The following GRIK4 variants were observed in gnomAD, a reference collection of about 807,000 sequenced individuals.
The protein encoded by GRIK4 is glutamate ionotropic receptor kainate type subunit 4, also known as glutamate receptor ionotropic, kainate 4.
GRIK4 carries 40 observed loss-of-function variants against 104.9 expected under a neutral mutation model. The observed-to-expected ratio is 0.38, with a 90% CI of 0.30 to 0.50. GRIK4 has a LOEUF of 0.50. GRIK4 is among the 20% of genes least tolerant of loss of function. The pLI is 0.93. For synonymous variants in GRIK4, 485 were observed against 524.9 expected, an observed-to-expected ratio of 0.92 and a Z score of 1.04; for missense variants, 1,047 against 1,308.1, an observed-to-expected ratio of 0.80 and a Z score of 3.08.
chr11:120,775,375 A>ACACAGCTGGGTT (rs1285976183), intron 3 of GRIK4, among the ~76,000 whole-genome samples: 3 of 152,230 alleles, frequency 2.0e-5, no homozygotes, highest in African/African-American at 7.2e-5. Context: ...GGGCAGCAAG[A>ACACAGCTGGGTT]GGACAGGGAA....
At chr11:120,593,782 C>T (rs1466537845) in intron 1 of GRIK4, among the ~76,000 whole-genome samples, 3 of 152,154 alleles carry the variant, frequency 2.0e-5, no homozygotes, top group Non-Finnish European at 1.5e-5. Flanking sequence ...CTTTATTCCT[C>T]TTCCCAAATC....
At chr11:120,914,665 C>A (rs1419886056) in intron 13 of GRIK4, among the ~76,000 whole-genome samples, 3 of 152,036 alleles carry the variant, frequency 2.0e-5, no homozygotes, top group African/African-American at 4.8e-5. Context: ...GAGAACAGGG[C>A]TGTAGGCAGG....
At chr11:120,565,347 GT>G (rs1948307867) in intron 1 of GRIK4, among the ~76,000 whole-genome samples, 1 of 152,272 alleles carries the variant, frequency 6.6e-6, no homozygotes, top group Non-Finnish European at 1.5e-5. Context: ...CCACTTTCCA[GT>G]GAGCTGCTGC....
intron 1 of GRIK4, among the ~76,000 whole-genome samples, chr11:120,529,884 A>G (rs1844927943): frequency 6.6e-6 from 1 of 152,052 alleles, no homozygotes; most frequent in Non-Finnish European, 1.5e-5. Context: ...TTTATAGATG[A>G]GGAGACAGAA....
chr11:120,807,782 T>C (rs1952745837), intron 4 of GRIK4, among the ~76,000 whole-genome samples: 3 of 152,234 alleles, frequency 2.0e-5, no homozygotes, highest in Admixed American at 6.5e-5. Context: ...CAGCCATGCA[T>C]TGAATTGCTG....
chr11:120,818,455 A>G (rs1047226247), intron 5 of GRIK4, among the ~76,000 whole-genome samples: 1 of 152,254 alleles, frequency 6.6e-6, no homozygotes, highest in African/African-American at 2.4e-5. Context: ...ATTGCCTTTC[A>G]TAACTCACCA....
intron 3 of GRIK4, among the ~76,000 whole-genome samples, chr11:120,698,434 C>T (rs1363334393): frequency 1.3e-5 from 2 of 152,200 alleles, no homozygotes; most frequent in African/African-American, 4.8e-5. Flanking sequence ...CCTCTCTGAG[C>T]CCTGGGCTCC....
Position 120,927,704 on chromosome 11 carries a change from C to T in GRIK4, c.1477-12643C>T, listed in dbSNP as rs541661097. On this transcript the variant is annotated intron_variant, in intron 13 of 20. Transcript: ENST00000527524. ...CAACAAAGCTTCATGGTATTAACCA[C>T]ACCTGTGACTTTGTCACCAATGGTA... Among the ~76,000 whole-genome samples the T allele has an allele frequency of 3.9e-5, 6 of 152,220 alleles. 1 individual carries two copies. In the South Asian group the frequency reaches 8.3e-4, roughly 21 times the overall value.
intron 14 of GRIK4, among the ~76,000 whole-genome samples, chr11:120,942,377 G>C (rs553018944): frequency 6.6e-6 from 1 of 152,134 alleles, no homozygotes; most frequent in Non-Finnish European, 1.5e-5. Flanking sequence ...CCCTGGAGTC[G>C]GGGGACATCC....
chr11:120,697,069 C>T (rs927031993), intron 3 of GRIK4, among the ~76,000 whole-genome samples: 2 of 152,196 alleles, frequency 1.3e-5, no homozygotes, highest in African/African-American at 2.4e-5. Flanking sequence ...TCCTTCAACC[C>T]GTTCGCTTCC....
intron 1 of GRIK4, among the ~76,000 whole-genome samples, chr11:120,541,345 G>A (rs1476783754): frequency 1.3e-5 from 2 of 152,228 alleles, no homozygotes; most frequent in Non-Finnish European, 2.9e-5. Flanking sequence ...TGTCAGTTTC[G>A]CCCAGAAGAT....
intron 1 of GRIK4, among the ~76,000 whole-genome samples, chr11:120,558,727 GATT>G (rs1948210981): frequency 6.6e-6 from 1 of 152,250 alleles, no homozygotes; most frequent in African/African-American, 2.4e-5. Context: ...AAAGTGAGTA[GATT>G]ATATACAAGT....
At chr11:120,527,265 T>TGGAGAG (rs1188172989) in intron 1 of GRIK4, among the ~76,000 whole-genome samples, 1 of 152,180 alleles carries the variant, frequency 6.6e-6, no homozygotes, top group Non-Finnish European at 1.5e-5. Flanking sequence ...TCATGGAATG[T>TGGAGAG]GGAGAGCAGC....
At position 120,539,354 on chromosome 11, in the gene GRIK4, A is replaced by G. The variant is rs57608393; in HGVS notation, c.-159+27467A>G. ...CCGAGGGTGAGCCGGGAGCATCTTT[A>G]ACTACAAATGATAACGATCCCTTAT... On this transcript the variant is annotated intron_variant, in intron 1 of 20. Transcript: ENST00000527524. Among the ~76,000 whole-genome samples the G allele has an allele frequency of 1.3e-3, 195 of 152,328 alleles. 1 individual carries two copies. The highest frequency in any genetic ancestry group is 4.6e-3 in the African/African-American group (193 of 41,566).
At chr11:120,683,914 T>G (rs1421518558) in intron 3 of GRIK4, among the ~76,000 whole-genome samples, 1 of 152,200 alleles carries the variant, frequency 6.6e-6, no homozygotes, top group Non-Finnish European at 1.5e-5. Context: ...CTAGAAAACG[T>G]TATCCCTAGC....
At chr11:120,721,060 A>G (rs895067822) in intron 3 of GRIK4, among the ~76,000 whole-genome samples, 1 of 152,192 alleles carries the variant, frequency 6.6e-6, no homozygotes, top group Non-Finnish European at 1.5e-5. Flanking sequence ...AGGGTGCTAC[A>G]CACTGGAGGG....
At chr11:120,812,700 G>C (rs1222926017) in intron 4 of GRIK4, among the ~76,000 whole-genome samples, 3 of 152,220 alleles carry the variant, frequency 2.0e-5, no homozygotes, top group Non-Finnish European at 4.4e-5. Flanking sequence ...CCATGCATCA[G>C]ACTCCAAGCT....
chr11:120,583,817 T>C (rs1189180457), intron 1 of GRIK4, among the ~76,000 whole-genome samples: 2 of 152,250 alleles, frequency 1.3e-5, no homozygotes, highest in Non-Finnish European at 2.9e-5. Flanking sequence ...ATGGCCATTT[T>C]AACAATATTG....
chr11:120,918,864 AT>A (rs1214733454), intron 13 of GRIK4, among the ~76,000 whole-genome samples: 2 of 152,216 alleles, frequency 1.3e-5, no homozygotes, highest in African/African-American at 2.4e-5. Context: ...GCCAGTGTTT[AT>A]TGAATACCTA....
Sources: allele counts gnomAD v4.1 joint callset (sites outside exome capture counted in the v4.1 genomes callset), GRCh38; gene constraint gnomAD v4.1.1; transcripts MANE v1.5; gene names NCBI Gene and HGNC (gene_info 2026-07-23, HGNC 2026-07-21).